ESRRG: variants seen among roughly 807,000 people sequenced by gnomAD.
ESRRG encodes estrogen related receptor gamma.
In ESRRG, 13 loss-of-function variants were observed where a neutral mutation model predicts 44.0. The observed-to-expected ratio is 0.30, with a 90% CI of 0.19 to 0.47. The LOEUF (loss-of-function observed/expected upper bound fraction) is 0.47, where lower values mean the gene tolerates loss of function less well. Among genes scored for constraint, ESRRG ranks in the 20% least tolerant of loss-of-function variants. The pLI is 1.00. For missense variants in ESRRG, 395 were observed against 580.6 expected, an observed-to-expected ratio of 0.68 and a Z score of 3.29; for synonymous variants, 215 against 214.6, an observed-to-expected ratio of 1.00 and a Z score of -0.02.
intron 2 of ESRRG, among the ~76,000 whole-genome samples, chr1:216,844,694 G>A (rs1423027012): frequency 2.0e-5 from 3 of 151,866 alleles, no homozygotes; most frequent in East Asian, 1.9e-4. Flanking sequence ...TAATACTGAT[G>A]CGCCCCCATC....
At chr1:216,895,741 G>A (rs2058344190) in intron 2 of ESRRG, among the ~76,000 whole-genome samples, 1 of 152,056 alleles carries the variant, frequency 6.6e-6, no homozygotes, top group South Asian at 2.1e-4. Flanking sequence ...ACAAGGGAGG[G>A]CAAGGAAAAG....
chr1:216,696,883 C>T (rs577324709), intron 1 of ESRRG, among the ~76,000 whole-genome samples: 1 of 151,880 alleles, frequency 6.6e-6, no homozygotes, highest in Non-Finnish European at 1.5e-5. Flanking sequence ...TTGAGACTCA[C>T]AAGATAAAAT....
chr1:216,748,824 T>G (rs896499866), intron 2 of ESRRG, among the ~76,000 whole-genome samples: 1 of 152,114 alleles, frequency 6.6e-6, no homozygotes, highest in African/African-American at 2.4e-5. Context: ...TGTCTCCATC[T>G]AGAAATAATC....
At chr1:216,703,705 CTGTGTGTTTG>C (rs2081918413) in intron 1 of ESRRG, among the ~76,000 whole-genome samples, 1 of 145,604 alleles carries the variant, frequency 6.9e-6, no homozygotes, top group Non-Finnish European at 1.5e-5. Flanking sequence ...GTGTATGTTT[CTGTGTGTTTG>C]TGTGTGTGCA....
chr1:216,821,493 C>G (rs2095286435), intron 2 of ESRRG, among the ~76,000 whole-genome samples: 2 of 151,424 alleles, frequency 1.3e-5, no homozygotes, highest in African/African-American at 4.9e-5. Flanking sequence ...TGAGAGCAGC[C>G]TTGGCAACAT....
chr1:216,807,905 C>A (rs2094848122), intron 2 of ESRRG, among the ~76,000 whole-genome samples: 1 of 152,044 alleles, frequency 6.6e-6, no homozygotes, highest in African/African-American at 2.4e-5. Flanking sequence ...AACCACAAAG[C>A]CCAATAGAGT....
intron 5 of ESRRG, among the ~76,000 whole-genome samples, chr1:216,562,110 T>C (rs866015207): frequency 5.3e-5 from 8 of 152,316 alleles, no homozygotes; most frequent in African/African-American, 1.9e-4. Flanking sequence ...AAAGAAATTG[T>C]TGACTTTTAT....
intron 2 of ESRRG, among the ~76,000 whole-genome samples, chr1:216,798,243 A>G (rs1392274057): frequency 6.6e-6 from 1 of 152,168 alleles, no homozygotes; most frequent in Non-Finnish European, 1.5e-5. Context: ...TAAGCCAAAC[A>G]GACACAGTCC....
At chr1:217,036,757 C>A (rs528676147) in intron 1 of ESRRG, among the ~76,000 whole-genome samples, 1 of 151,950 alleles carries the variant, frequency 6.6e-6, no homozygotes, top group South Asian at 2.1e-4. Context: ...GTACAACAAA[C>A]CTCCATGACA....
chr1:216,534,601 T>C (rs1305087014), intron 5 of ESRRG, among the ~76,000 whole-genome samples: 2 of 152,198 alleles, frequency 1.3e-5, no homozygotes, highest in Non-Finnish European at 2.9e-5. Flanking sequence ...GTAGTTCACA[T>C]GTATTGACTC....
chr1:216,923,714 C>G (rs1232311787), intron 2 of ESRRG, among the ~76,000 whole-genome samples: 2 of 152,178 alleles, frequency 1.3e-5, no homozygotes, highest in Non-Finnish European at 2.9e-5. Context: ...TTCTCCAACC[C>G]TCACTCCTAC....
intron 2 of ESRRG, among the ~76,000 whole-genome samples, chr1:216,803,340 C>T (rs1045529232): frequency 6.6e-6 from 1 of 152,064 alleles, no homozygotes; most frequent in Admixed American, 6.6e-5. Flanking sequence ...CCCCTGCAAA[C>T]CTCCAATTAA....
At chr1:216,736,284 G>A (rs1273486012) in intron 2 of ESRRG, among the ~76,000 whole-genome samples, 2 of 144,026 alleles carry the variant, frequency 1.4e-5, no homozygotes, top group African/African-American at 5.2e-5. Context: ...CCGGTTTCAC[G>A]CCATTCTCCT....
chr1:216,837,638 G>A (rs1055079988), intron 2 of ESRRG, among the ~76,000 whole-genome samples: 5 of 152,088 alleles, frequency 3.3e-5, no homozygotes, highest in African/African-American at 1.2e-4. Context: ...GTGGGCTGGA[G>A]ATGAGGAATT....
At chr1:216,940,245 A>G (rs2064998549) in intron 1 of ESRRG, among the ~76,000 whole-genome samples, 1 of 152,214 alleles carries the variant, frequency 6.6e-6, no homozygotes, top group South Asian at 2.1e-4. Flanking sequence ...GGTTTTCACT[A>G]AACATACACT....
At chr1:216,861,466 A>C (rs2096054280) in intron 2 of ESRRG, among the ~76,000 whole-genome samples, 1 of 152,064 alleles carries the variant, frequency 6.6e-6, no homozygotes, top group Non-Finnish European at 1.5e-5. Flanking sequence ...ATGTATCAAA[A>C]TATCACACTG....
intron 1 of ESRRG, among the ~76,000 whole-genome samples, chr1:216,954,585 T>C (rs187393706): frequency 5.3e-5 from 8 of 152,312 alleles, no homozygotes; most frequent in Non-Finnish European, 1.0e-4. Flanking sequence ...GAAGACCTTA[T>C]ATAAAATGAG....
chr1:216,933,449 T>A (rs976478112), intron 2 of ESRRG, among the ~76,000 whole-genome samples: 1 of 151,274 alleles, frequency 6.6e-6, no homozygotes, highest in Admixed American at 6.6e-5. Context: ...AAAAAAAAAA[T>A]TCGTTTGAAA....
intron 5 of ESRRG, among the ~76,000 whole-genome samples, chr1:216,529,234 G>A (rs2048556437): frequency 6.6e-6 from 1 of 152,146 alleles, no homozygotes; most frequent in Admixed American, 6.6e-5. Context: ...GTGGGACTTT[G>A]AGGAAATGAA....
Sources: gnomAD v4.1 joint callset for allele counts (sites outside exome capture counted in the v4.1 genomes callset) on GRCh38, gnomAD v4.1.1 for gene constraint, MANE v1.5 for transcripts, NCBI Gene and HGNC (gene_info 2026-07-23, HGNC 2026-07-21) for gene names.